Variants in VAC14 observed in about 807,000 individuals in gnomAD.
The protein encoded by VAC14 is VAC14 component of PIKFYVE complex, also known as protein VAC14 homolog.
Under a neutral mutation model 85.3 loss-of-function variants are expected in VAC14, and 47 were observed. The observed-to-expected ratio is 0.55, with a 90% CI of 0.44 to 0.70. The LOEUF (loss-of-function observed/expected upper bound fraction) is 0.70, where lower values mean the gene tolerates loss of function less well. VAC14 is among the 30% of genes least tolerant of loss of function. The probability of loss-of-function intolerance (pLI) is 0.00; values close to 1 mark genes in which losing one functional copy is unlikely to be tolerated. For missense variants in VAC14, 861 were observed against 1,004.3 expected (o/e 0.86, Z 1.93); for synonymous variants, 447 against 430.5 (o/e 1.04, Z -0.47).
chr16:70,724,587 G>A (rs1321732327), intron 14 of VAC14, among the ~76,000 whole-genome samples: 4 of 152,204 alleles, frequency 2.6e-5, no homozygotes, highest in Admixed American at 6.5e-5. Context: ...TTCCCATTGC[G>A]AAGGGGTCTC....
chr16:70,784,718 T>TAC, intron 4 of VAC14, 58 bp downstream of exon 4: 1 of 1,518,492 alleles, frequency 6.6e-7, no homozygotes, highest in Non-Finnish European at 9.1e-7. Context: ...TTCTAAGCTT[T>TAC]ACAGACAGAC....
chr16:70,764,472 G>C (rs2032652063), intron 10 of VAC14, among the ~76,000 whole-genome samples: 1 of 152,294 alleles, frequency 6.6e-6, no homozygotes, highest in South Asian at 2.1e-4. Flanking sequence ...GAGGAGTCTA[G>C]GGCGGTAAAC....
At position 70,766,686 on chromosome 16, in the gene VAC14, T is replaced by C. The variant is rs115187216; in HGVS notation, c.1161-3661A>G. 2.4e-3 allele frequency: 803 copies of C among 336,186 alleles called. 5 individuals carry two copies. The highest frequency in any genetic ancestry group is 0.017 in the African/African-American group (766 of 46,106). 20.8% of individuals were successfully genotyped at this position (336,186 alleles called of 1,614,324 possible). ...TGGAGACACTCTCCCTGGGCTTTTC[T>C]TCCCTTGCCTGGCTGGAGGTGGAGG... On this transcript the variant is annotated intron_variant, in intron 10 of 18. Coordinates refer to ENST00000261776, the MANE Select transcript of VAC14 (RefSeq NM_018052.5).
intron 14 of VAC14, among the ~76,000 whole-genome samples, chr16:70,725,026 G>A (rs1471522229): frequency 6.6e-6 from 1 of 152,280 alleles, no homozygotes; most frequent in East Asian, 1.9e-4. Flanking sequence ...TCCATTAAAA[G>A]GGTGAGAGGA....
chr16:70,786,130 G>A, intron 2 of VAC14, 85 bp downstream of exon 2: 2 of 1,553,164 alleles, frequency 1.3e-6, no homozygotes, highest in South Asian at 2.4e-5. Flanking sequence ...ATGCCCTACT[G>A]GGTCTTGACA....
At chr16:70,781,106 C>A (rs985040632) in intron 8 of VAC14, among the ~76,000 whole-genome samples, 167 bp from the exon 9 acceptor site, 1 of 152,106 alleles carries the variant, frequency 6.6e-6, no homozygotes, top group African/African-American at 2.4e-5. Context: ...TGGTACTGAG[C>A]GAGTTGAGTG....
intron 12 of VAC14, 43 bp from the exon 13 acceptor site, chr16:70,744,622 G>C: frequency 6.5e-7 from 1 of 1,546,606 alleles, no homozygotes; most frequent in Non-Finnish European, 8.7e-7. Flanking sequence ...TCTCCGCTGA[G>C]AGCTGTGCTG....
At chr16:70,707,731 G>A (rs2053948743) in intron 14 of VAC14, among the ~76,000 whole-genome samples, 3 of 152,076 alleles carry the variant, frequency 2.0e-5, no homozygotes, top group Admixed American at 2.0e-4. Context: ...GCCACGGGAG[G>A]GGCTCTGCCT....
chr16:70,723,334 T>C (rs1371047218), intron 14 of VAC14, among the ~76,000 whole-genome samples: 1 of 152,144 alleles, frequency 6.6e-6, no homozygotes, highest in Non-Finnish European at 1.5e-5. Context: ...TCCCAGCTAC[T>C]TGAGAGGCTG....
intron 13 of VAC14, among the ~76,000 whole-genome samples, chr16:70,740,360 G>T (rs1460946139): frequency 6.6e-6 from 1 of 152,178 alleles, no homozygotes; most frequent in Non-Finnish European, 1.5e-5. Context: ...GTGACCTTTG[G>T]CCTCAGACTG....
intron 1 of VAC14, among the ~76,000 whole-genome samples, chr16:70,791,565 T>C (rs1283566177): frequency 6.6e-6 from 1 of 152,170 alleles, no homozygotes; most frequent in Non-Finnish European, 1.5e-5. Context: ...TTTCTATTTT[T>C]AGTAGAGACG....
Position 70,780,954 on chromosome 16 carries a change from G to A in VAC14, c.947-15C>T, listed in dbSNP as rs373704041. 14 of 1,613,776 alleles carry A rather than the reference G, an allele frequency of 8.7e-6. No homozygotes were observed. The highest frequency in any genetic ancestry group is 2.7e-5 in the African/African-American group (2 of 74,930). ...TTCTTTGATGCCTGAGTCCACTGAT[G>A]TAAGGAGCGTGATCTGATTTGGATG... On this transcript the variant is annotated splice_polypyrimidine_tract_variant and intron_variant, in intron 8 of 18. Coordinates refer to ENST00000261776, the MANE Select transcript of VAC14 (RefSeq NM_018052.5).
chr16:70,789,324 C>A (rs2034216240), intron 1 of VAC14, among the ~76,000 whole-genome samples: 1 of 152,236 alleles, frequency 6.6e-6, no homozygotes, highest in Non-Finnish European at 1.5e-5. Context: ...ATCAACTGGA[C>A]ACGCACACCC....
Position 70,762,106 on chromosome 16 carries a change from T to G in VAC14, c.1371+434A>C, listed in dbSNP as rs567742978. On this transcript the variant is annotated intron_variant, in intron 12 of 18. Transcript: ENST00000261776. The surrounding 1 kb of genome is among the most constrained non-coding windows in gnomAD (Gnocchi z 4.1). The stretch of plus-strand genomic sequence containing the variant: ...GTCCTCACTCCTAAAGTGAGTTTTT[T>G]TTTTTGTTTTTGTTTTTTTGAGACA... Among the ~76,000 whole-genome samples the G allele has an allele frequency of 1.1e-3, 161 of 151,650 alleles. No individual in the cohort carries two copies. The highest frequency in any genetic ancestry group is 3.9e-3 in the Admixed American group (60 of 15,268).
chr16:70,740,464 C>T lies in VAC14; in HGVS notation c.1528+3959G>A, dbSNP rs541317775. 4.6e-5 allele frequency among the ~76,000 whole-genome samples: 7 copies of T among 152,288 alleles called. No individual in the cohort carries two copies. In the East Asian group the frequency reaches 5.8e-4, roughly 13 times the overall value. ...TCTGGCAGCATAGATGTCCAGGCCC[C>T]GGGAGGAAAGGCATGTCTCTGACAA... On this transcript the variant is annotated intron_variant, in intron 13 of 18. Transcript: ENST00000261776.
intron 10 of VAC14, among the ~76,000 whole-genome samples, chr16:70,767,553 T>C (rs1031126357): frequency 2.6e-5 from 4 of 152,204 alleles, no homozygotes; most frequent in Non-Finnish European, 4.4e-5. Flanking sequence ...CTGAGCCTCA[T>C]AGTGGGGACT....
intron 14 of VAC14, among the ~76,000 whole-genome samples, chr16:70,721,157 T>C (rs1264371964): frequency 3.3e-5 from 5 of 152,142 alleles, no homozygotes; most frequent in African/African-American, 9.7e-5. Context: ...TGGGAGAGTA[T>C]GCCGGCTACA....
chr16:70,781,885 G>A lies in VAC14; in HGVS notation c.930C>T (p.Tyr310=), dbSNP rs145425796. ...AAAGGATACTTTTCTTGCGGTCATC[G>A]TAGGCCAAGCAGGGCAAGACAGCAG... ...ILTAVLPCLA[Y]DDRKKSIKEV... Residue 310 remains tyrosine, a synonymous_variant, in exon 8 of 19, where the codon TAC becomes TAT. Coordinates refer to ENST00000261776, the MANE Select transcript of VAC14 (RefSeq NM_018052.5). The A allele has an allele frequency of 3.4e-4, 542 of 1,613,916 alleles. 1 individual carries two copies. Among genetic ancestry groups the A allele is most frequent in the Non-Finnish European group, 4.2e-4 (490 of 1,179,982 alleles).
chr16:70,724,594 T>A (rs2054375463), intron 14 of VAC14, among the ~76,000 whole-genome samples: 1 of 151,862 alleles, frequency 6.6e-6, no homozygotes, highest in Non-Finnish European at 1.5e-5. Context: ...TGCGAAGGGG[T>A]CTCTAATTAG....
Sources: gnomAD v4.1 joint callset for allele counts (sites outside exome capture counted in the v4.1 genomes callset) on GRCh38, gnomAD v4.1.1 for gene constraint, Gnocchi (gnomAD v3.1) non-coding constraint, MANE v1.5 for transcripts, NCBI Gene and HGNC (gene_info 2026-07-23, HGNC 2026-07-21) for gene names.